NCAM2: variants seen among roughly 807,000 people sequenced by gnomAD.
NCAM2 encodes the protein neural cell adhesion molecule 2, also known as N-CAM-2.
A neutral mutation model predicts 98.1 loss-of-function variants in NCAM2; 30 were observed. That is an observed-to-expected ratio of 0.31 (90% confidence interval 0.23 to 0.41). The LOEUF is 0.41. Ranked by LOEUF, NCAM2 falls within the 10% of genes least tolerant of loss-of-function variation. The pLI is 1.00. For missense variants in NCAM2, 867 were observed against 1,005.8 expected (o/e 0.86, Z 1.87); for synonymous variants, 368 against 342.4 (o/e 1.07, Z -0.83).
chr21:21,144,598 A>G (rs1375161418), intron 1 of NCAM2, among the ~76,000 whole-genome samples: 1 of 106,612 alleles, frequency 9.4e-6, no homozygotes, highest in East Asian at 3.8e-4. Context: ...TTCAATCGAA[A>G]TGTCTGTCTT....
intron 11 of NCAM2, among the ~76,000 whole-genome samples, chr21:21,420,558 A>C (rs149002346): frequency 6.6e-6 from 1 of 152,036 alleles, no homozygotes; most frequent in Non-Finnish European, 1.5e-5. Flanking sequence ...GATTTTATTT[A>C]TAACTTTAAT....
chr21:21,211,880 T>G (rs1460788191), intron 1 of NCAM2, among the ~76,000 whole-genome samples: 1 of 152,206 alleles, frequency 6.6e-6, no homozygotes, highest in Admixed American at 6.5e-5. Context: ...CAAGTCCTGT[T>G]AACCCTGATT....
chr21:21,437,170 G>A (rs1182489831), intron 12 of NCAM2, among the ~76,000 whole-genome samples: 1 of 152,098 alleles, frequency 6.6e-6, no homozygotes, highest in Non-Finnish European at 1.5e-5. Flanking sequence ...TTCAGCCAAT[G>A]GAGTGAGCTA....
intron 1 of NCAM2, among the ~76,000 whole-genome samples, chr21:21,264,888 AT>A (rs1296119450): frequency 1.8e-5 from 1 of 55,372 alleles, no homozygotes; most frequent in Non-Finnish European, 3.1e-5. Flanking sequence ...TGGGATATAT[AT>A]ATGTGTGTGT....
intron 1 of NCAM2, among the ~76,000 whole-genome samples, chr21:21,185,107 A>C (rs939900934): frequency 6.6e-6 from 1 of 152,176 alleles, no homozygotes; most frequent in African/African-American, 2.4e-5. Flanking sequence ...TTAAAATGAC[A>C]ATTTAATCTT....
In NCAM2 at chr21:21,432,028, G is replaced by C. The variant is rs2077355515; in HGVS notation, c.1481-80G>C. On this transcript the variant is annotated intron_variant, in intron 11 of 17. Coordinates refer to ENST00000400546, the MANE Select transcript of NCAM2 (RefSeq NM_004540.5). Reference sequence around the variant, plus strand: ...AGGTAGCAGTTTTCCTTCACTCCTAGTTCTCATAACACCATAAGCCTTAAT... The same window carrying C: ...AGGTAGCAGTTTTCCTTCACTCCTACTTCTCATAACACCATAAGCCTTAAT... The C allele has an allele frequency of 1.3e-5, 18 of 1,344,014 alleles. No homozygotes were observed. In the South Asian group the frequency reaches 2.5e-4, roughly 18 times the overall value. 83.3% of individuals were successfully genotyped at this position (1,344,014 alleles called of 1,614,324 possible).
chr21:21,133,230 G>T (rs1423745888), intron 1 of NCAM2, among the ~76,000 whole-genome samples: 1 of 152,122 alleles, frequency 6.6e-6, no homozygotes, highest in African/African-American at 2.4e-5. Context: ...ATTCAGAATT[G>T]ATTAGAATAT....
At chr21:21,357,097 A>AT (rs1307624005) in intron 8 of NCAM2, among the ~76,000 whole-genome samples, 1 of 152,180 alleles carries the variant, frequency 6.6e-6, no homozygotes, top group Non-Finnish European at 1.5e-5. Flanking sequence ...ATTAGTAGTC[A>AT]TTTTTTATGA....
At chr21:21,118,547 T>A (rs2066609982) in intron 1 of NCAM2, among the ~76,000 whole-genome samples, 1 of 152,176 alleles carries the variant, frequency 6.6e-6, no homozygotes, top group African/African-American at 2.4e-5. Flanking sequence ...TCATCTACTT[T>A]ATGGTCTTGG....
At chr21:21,491,309 A>G (rs1986825916) in intron 15 of NCAM2, among the ~76,000 whole-genome samples, 1 of 151,808 alleles carries the variant, frequency 6.6e-6, no homozygotes. Flanking sequence ...ATAGTTAACA[A>G]TTTCAGTAAT....
intron 5 of NCAM2, among the ~76,000 whole-genome samples, chr21:21,322,896 A>G (rs1981847881): frequency 6.6e-6 from 1 of 152,192 alleles, no homozygotes; most frequent in Non-Finnish European, 1.5e-5. Flanking sequence ...AAGGTAGTCC[A>G]CCACGTCCAT....
At chr21:21,107,939 T>C (rs1484701109) in intron 1 of NCAM2, among the ~76,000 whole-genome samples, 1 of 152,150 alleles carries the variant, frequency 6.6e-6, no homozygotes, top group African/African-American at 2.4e-5. Context: ...GGATATTATC[T>C]AGTTTTGTTC....
intron 1 of NCAM2, among the ~76,000 whole-genome samples, chr21:21,025,200 G>A (rs1005156841): frequency 6.6e-6 from 1 of 151,604 alleles, no homozygotes; most frequent in African/African-American, 2.4e-5. Context: ...ATTCTCCTGC[G>A]TCAGCCTCTT....
At chr21:21,089,965 C>T (rs2065979424) in intron 1 of NCAM2, among the ~76,000 whole-genome samples, 4 of 152,100 alleles carry the variant, frequency 2.6e-5, no homozygotes, top group Admixed American at 6.5e-5. Flanking sequence ...AACACAGTCA[C>T]CCAGCCACAC....
chr21:21,321,549 G>A (rs948397480), intron 5 of NCAM2, among the ~76,000 whole-genome samples: 5 of 152,024 alleles, frequency 3.3e-5, no homozygotes, highest in Admixed American at 1.3e-4. Flanking sequence ...TATAGTTTGA[G>A]GCGTTACATT....
At chr21:21,194,234 T>C (rs1181837457) in intron 1 of NCAM2, among the ~76,000 whole-genome samples, 2 of 152,192 alleles carry the variant, frequency 1.3e-5, no homozygotes, top group African/African-American at 4.8e-5. Context: ...AGTATATGTT[T>C]TTTTCATTTA....
At chr21:21,342,541 CT>C (rs1474021150) in intron 8 of NCAM2, among the ~76,000 whole-genome samples, 1 of 152,122 alleles carries the variant, frequency 6.6e-6, no homozygotes, top group Admixed American at 6.6e-5. Flanking sequence ...AGCCTGCTGT[CT>C]TTTGTGGCAG....
rs11325446 is a variant in NCAM2, at chr21:21,063,210, C to CTTTTTT, written c.55+64615_55+64620dup. 3.7e-3 allele frequency among the ~76,000 whole-genome samples: 243 copies of CTTTTTT among 66,112 alleles called. 22 individuals carry two copies. The highest frequency in any genetic ancestry group is 4.1e-3 in the African/African-American group (63 of 15,434). 43.4% of individuals were successfully genotyped at this position (66,112 alleles called of 152,430 possible). ...TCATAGCACTGTTTATCTTTACATT[C>CTTTTTT]TTTTTTTTTTTTTTTTTTTTTTTTT... is the stretch of plus-strand genomic sequence containing the variant. On this transcript the variant is annotated intron_variant, in intron 1 of 17. Coordinates refer to ENST00000400546, the MANE Select transcript of NCAM2 (RefSeq NM_004540.5).
intron 1 of NCAM2, among the ~76,000 whole-genome samples, chr21:21,016,291 C>G (rs2064307142): frequency 1.3e-5 from 2 of 152,188 alleles, no homozygotes. Context: ...TCAAATATGT[C>G]TGCCGCAGGA....
Sources: allele counts gnomAD v4.1 joint callset (sites outside exome capture counted in the v4.1 genomes callset), GRCh38; gene constraint gnomAD v4.1.1; transcripts MANE v1.5; gene names NCBI Gene and HGNC (gene_info 2026-07-23, HGNC 2026-07-21).